SENP5: variants seen among roughly 807,000 people sequenced by gnomAD.
SENP5 encodes the protein sentrin-specific protease 5.
In SENP5, 21 loss-of-function variants were observed where a neutral mutation model predicts 74.2. The ratio of observed to expected loss-of-function variants is 0.28; its 90% CI spans 0.20 to 0.41. The LOEUF (loss-of-function observed/expected upper bound fraction) is 0.41, where lower values mean the gene tolerates loss of function less well. Among genes scored for constraint, SENP5 ranks in the 10% least tolerant of loss-of-function variants. SENP5 has a pLI of 1.00. For synonymous variants in SENP5, 311 were observed against 312.7 expected, an observed-to-expected ratio of 0.99 and a Z score of 0.06; for missense variants, 717 against 889.1, an observed-to-expected ratio of 0.81 and a Z score of 2.46.
intron 1 of SENP5, among the ~76,000 whole-genome samples, chr3:196,883,968 A>T (rs1177997877): frequency 1.3e-5 from 2 of 152,198 alleles, no homozygotes; most frequent in Non-Finnish European, 2.9e-5. Context: ...CTGGGATTAC[A>T]GGCATGGGCC....
intron 8 of SENP5, among the ~76,000 whole-genome samples, chr3:196,928,471 G>A (rs550525633): frequency 6.2e-4 from 94 of 152,298 alleles, no homozygotes; most frequent in African/African-American, 2.2e-3. Flanking sequence ...GATCTCATTT[G>A]ATCCTTATAA....
intron 1 of SENP5, among the ~76,000 whole-genome samples, 165 bp downstream of exon 1, chr3:196,868,238 C>T (rs557012294): frequency 6.6e-6 from 1 of 152,236 alleles, no homozygotes; most frequent in African/African-American, 2.4e-5. Flanking sequence ...GCCACAGCCT[C>T]CCTTTCCGGG....
intron 1 of SENP5, among the ~76,000 whole-genome samples, chr3:196,877,931 A>G (rs1174434628): frequency 6.6e-6 from 1 of 152,114 alleles, no homozygotes; most frequent in East Asian, 1.9e-4. Context: ...CAGCAACTTC[A>G]TTTTTTCCAT....
intron 1 of SENP5, among the ~76,000 whole-genome samples, chr3:196,878,798 G>T (rs1268845710): frequency 6.6e-6 from 1 of 152,020 alleles, no homozygotes; most frequent in Non-Finnish European, 1.5e-5. Context: ...CACCACGTTG[G>T]CCAGGCTGGT....
chr3:196,871,109 G>T lies in SENP5; in HGVS notation c.-32+3036G>T, dbSNP rs556461691. ...CGTTTGAACCCATGAGGTAGAGGTT[G>T]CAGTGAGCCGAGGTTGCACCATTGC... is the stretch of plus-strand genomic sequence containing the variant. On this transcript the variant is annotated intron_variant, in intron 1 of 9. Transcript: ENST00000323460. 2.3e-3 allele frequency among the ~76,000 whole-genome samples: 346 copies of T among 152,098 alleles called. 2 individuals carry two copies. The highest frequency in any genetic ancestry group is 7.7e-3 in the African/African-American group (321 of 41,496).
chr3:196,911,711 G>C (rs934724913), intron 6 of SENP5, among the ~76,000 whole-genome samples: 1 of 152,178 alleles, frequency 6.6e-6, no homozygotes, highest in African/African-American at 2.4e-5. Flanking sequence ...TCGGGAGGCT[G>C]AGGCAGGAGA....
chr3:196,873,069 C>CTT (rs572160747), intron 1 of SENP5, among the ~76,000 whole-genome samples: 10 of 108,384 alleles, frequency 9.2e-5, no homozygotes, highest in Non-Finnish European at 1.4e-4. Flanking sequence ...TGAGATTTAA[C>CTT]TTTTTTTTTT....
chr3:196,924,374 ACTC>A (rs1054546764), intron 7 of SENP5, among the ~76,000 whole-genome samples: 1 of 152,190 alleles, frequency 6.6e-6, no homozygotes, highest in Non-Finnish European at 1.5e-5. Flanking sequence ...TACATGGAAA[ACTC>A]CTACAAATGA....
At chr3:196,916,341 A>C (rs9854474) in intron 6 of SENP5, among the ~76,000 whole-genome samples, 200 of 151,754 alleles carry the variant, frequency 1.3e-3, no homozygotes, top group African/African-American at 4.6e-3. Context: ...ACAAACAAAC[A>C]AAAAAAACAT....
chr3:196,912,580 A>C (rs1026144862), intron 6 of SENP5: 1 of 152,204 alleles, frequency 6.6e-6, no homozygotes, highest in African/African-American at 2.4e-5. Context: ...AAACAAAACT[A>C]GATGACGGAT....
chr3:196,892,102 TAAAAAA>T (rs748886322), intron 2 of SENP5, among the ~76,000 whole-genome samples: 10 of 151,020 alleles, frequency 6.6e-5, no homozygotes, highest in Non-Finnish European at 1.0e-4. Context: ...CCTTGACTCT[TAAAAAA>T]AGAAAAAAAA....
chr3:196,870,101 T>C (rs1028384580), intron 1 of SENP5, among the ~76,000 whole-genome samples: 1 of 152,210 alleles, frequency 6.6e-6, no homozygotes, highest in Non-Finnish European at 1.5e-5. Context: ...GTAGATCACC[T>C]TGGCATTTGC....
At chr3:196,880,986 G>A (rs1713703952) in intron 1 of SENP5, among the ~76,000 whole-genome samples, 1 of 150,850 alleles carries the variant, frequency 6.6e-6, no homozygotes, top group African/African-American at 2.4e-5. Flanking sequence ...TCACTCTGTT[G>A]CCCAGGCTAG....
Position 196,899,956 on chromosome 3 carries a change from A to G in SENP5, c.1652A>G (p.Tyr551Cys). The G allele has an allele frequency of 1.2e-6, 2 of 1,614,054 alleles. No homozygotes were observed. Among genetic ancestry groups the G allele is most frequent in the Non-Finnish European group, 1.7e-6 (2 of 1,179,980 alleles). ...KPFINREITN[Y>C]RARHQKCNFR... Reference sequence around the variant, plus strand: ...TTTATCAATAGGGAAATAACAAACTATCGGGCCAGACATCAAAAATGTAAC... The same window carrying G: ...TTTATCAATAGGGAAATAACAAACTGTCGGGCCAGACATCAAAAATGTAAC... The change falls in exon 4 of 10, where the codon TAT becomes TGT. Residue 551 changes from tyrosine to cysteine, a missense_variant. By Grantham distance (194) the Tyr-to-Cys change is radical. Coordinates refer to ENST00000323460, the MANE Select transcript of SENP5 (RefSeq NM_152699.5).
chr3:196,930,642 C>CT (rs1716000670), intron 9 of SENP5, among the ~76,000 whole-genome samples, 171 bp from the exon 10 acceptor site: 1 of 152,144 alleles, frequency 6.6e-6, no homozygotes, highest in African/African-American at 2.4e-5. Flanking sequence ...AACCAACCCC[C>CT]TCTCCCCCAA....
At chr3:196,880,687 G>GCT (rs934836223) in intron 1 of SENP5, among the ~76,000 whole-genome samples, 3 of 135,820 alleles carry the variant, frequency 2.2e-5, no homozygotes, top group African/African-American at 8.4e-5. Flanking sequence ...TGTACCCCAG[G>GCT]CTGGAGTGCA....
At chr3:196,926,847 C>G (rs1232447865) in intron 7 of SENP5, among the ~76,000 whole-genome samples, 1 of 152,052 alleles carries the variant, frequency 6.6e-6, no homozygotes, top group East Asian at 1.9e-4. Flanking sequence ...CCATGTTGGT[C>G]AGGCTGATCT....
intron 6 of SENP5, chr3:196,913,968 A>G (rs1715246865): frequency 6.6e-6 from 1 of 152,206 alleles, no homozygotes; most frequent in Admixed American, 6.5e-5. Flanking sequence ...TCTTAAACAT[A>G]TAAAAAGTTG....
In SENP5 at chr3:196,932,048, G is replaced by A. The variant is rs573559284; in HGVS notation, c.*1125G>A. The stretch of plus-strand genomic sequence containing the variant: ...GGTACGTCTGGCTTCTGCATGGCCA[G>A]TGCTGACACTAGCACAGCTGTTCTT... On this transcript the variant is annotated 3_prime_UTR_variant, in exon 10 of 10. Coordinates refer to ENST00000323460, the MANE Select transcript of SENP5 (RefSeq NM_152699.5). 41 of 337,986 alleles carry A rather than the reference G, an allele frequency of 1.2e-4. No individual in the cohort carries two copies. Among genetic ancestry groups the A allele is most frequent in the Non-Finnish European group, 2.1e-4 (37 of 172,468 alleles). The allele number at this position is 337,986 out of a possible 1,614,324, so 20.9% of individuals were successfully genotyped here. A position where few individuals can be genotyped will look rare whatever the true frequency, so the allele number is the denominator to read the frequency against.
Sources: gnomAD v4.1 joint callset for allele counts (sites outside exome capture counted in the v4.1 genomes callset) on GRCh38, gnomAD v4.1.1 for gene constraint, MANE v1.5 for transcripts, NCBI Gene and HGNC (gene_info 2026-07-23, HGNC 2026-07-21) for gene names.